The following PTBP3 variants were observed in gnomAD, a reference collection of about 807,000 sequenced individuals.
PTBP3 encodes the protein polypyrimidine tract binding protein 3, also known as polypyrimidine tract-binding protein 3.
Under a neutral mutation model 58.7 loss-of-function variants are expected in PTBP3, and 20 were observed. That is an observed-to-expected ratio of 0.34 (90% CI 0.24 to 0.50). The LOEUF (loss-of-function observed/expected upper bound fraction) is 0.50. Among genes scored for constraint, PTBP3 ranks in the 20% least tolerant of loss-of-function variants. The pLI is 0.98. For synonymous variants in PTBP3, 185 were observed against 219.8 expected (o/e 0.84, Z 1.40); for missense variants, 509 against 637.2 (o/e 0.80, Z 2.17).
At chr9:112,266,293 A>C (rs1026951972) in intron 4 of PTBP3, among the ~76,000 whole-genome samples, 1 of 152,356 alleles carries the variant, frequency 6.6e-6, no homozygotes, top group East Asian at 1.9e-4. Flanking sequence ...ACAATAAAAA[A>C]TGGGGAAAAT....
At chr9:112,339,384 T>C in the PTBP3 span, among the ~76,000 whole-genome samples, 9 of 151,662 alleles carry the variant, frequency 5.9e-5, no homozygotes, top group Non-Finnish European at 1.2e-4. Context: ...AGAATCATCA[T>C]TGCCCTTTAA....
intron 2 of PTBP3, among the ~76,000 whole-genome samples, chr9:112,287,484 G>T (rs1472554849): frequency 6.6e-5 from 10 of 151,666 alleles, no homozygotes; most frequent in Admixed American, 6.6e-4. Context: ...GAGATTACCG[G>T]TGCACACCAC....
intron 1 of PTBP3, among the ~76,000 whole-genome samples, chr9:112,309,849 G>C (rs1421116514): frequency 6.6e-6 from 1 of 152,050 alleles, no homozygotes; most frequent in Non-Finnish European, 1.5e-5. Flanking sequence ...ATAGTCAATA[G>C]GGGGTCTGCA....
chr9:112,267,719 C>T (rs1483203931), intron 4 of PTBP3, among the ~76,000 whole-genome samples: 1 of 140,912 alleles, frequency 7.1e-6, no homozygotes, highest in Non-Finnish European at 1.6e-5. Flanking sequence ...CTCAATTTCT[C>T]AATGCTTTTG....
chr9:112,376,909 C>T, the PTBP3 span, among the ~76,000 whole-genome samples: 2 of 152,204 alleles, frequency 1.3e-5, no homozygotes, highest in Admixed American at 1.3e-4. Context: ...AGTTGACACT[C>T]AGTATTAACC....
intron 1 of PTBP3, among the ~76,000 whole-genome samples, chr9:112,314,528 T>C (rs1829623414): frequency 6.6e-6 from 1 of 152,056 alleles, no homozygotes; most frequent in Non-Finnish European, 1.5e-5. Context: ...AGGACTCATC[T>C]CTACAAAAAT....
chr9:112,239,438 GA>G (rs879270949), intron 7 of PTBP3, among the ~76,000 whole-genome samples: 2 of 151,952 alleles, frequency 1.3e-5, no homozygotes, highest in African/African-American at 4.8e-5. Flanking sequence ...AATTACTATG[GA>G]AAAAAACAGG....
intron 1 of PTBP3, among the ~76,000 whole-genome samples, chr9:112,299,671 T>C (rs1173425395): frequency 1.3e-5 from 2 of 152,202 alleles, no homozygotes; most frequent in Non-Finnish European, 2.9e-5. Flanking sequence ...TCCCCATCCA[T>C]GGCCATGTGA....
chr9:112,239,185 A>C (rs1177900466), intron 7 of PTBP3, among the ~76,000 whole-genome samples: 2 of 152,232 alleles, frequency 1.3e-5, no homozygotes, highest in Non-Finnish European at 2.9e-5. Flanking sequence ...TGAAAGTTAA[A>C]AATCTAGATA....
At position 112,220,457 on chromosome 9, in the gene PTBP3, A is replaced by G; in HGVS notation, c.*3394T>C. ...CTTCTCATCAACTAAAACAGAACCC[A>G]TGATTATCATACTAGGTGGAGCCAA... On this transcript the variant is annotated 3_prime_UTR_variant, in exon 14 of 14. Coordinates refer to ENST00000374257, the MANE Select transcript of PTBP3 (RefSeq NM_001163788.4). The G allele has an allele frequency of 4.4e-6, 5 of 1,132,120 alleles. No homozygotes were observed. Among genetic ancestry groups the G allele is most frequent in the Non-Finnish European group, 4.4e-6 (4 of 912,304 alleles). 70.1% of individuals were successfully genotyped at this position (1,132,120 alleles called of 1,614,324 possible). A position where few individuals can be genotyped will look rare whatever the true frequency, so the allele number is the denominator to read the frequency against.
the PTBP3 span, among the ~76,000 whole-genome samples, chr9:112,341,982 A>C: frequency 6.6e-6 from 1 of 152,158 alleles, no homozygotes; most frequent in South Asian, 2.1e-4. Context: ...TGTTTCTGGA[A>C]GAGATTGGCA....
At chr9:112,364,022 A>T in the PTBP3 span, among the ~76,000 whole-genome samples, 31 of 152,222 alleles carry the variant, frequency 2.0e-4, no homozygotes, top group Non-Finnish European at 3.1e-4. Flanking sequence ...AACTACCGGC[A>T]AACACTGATC....
At position 112,227,582 on chromosome 9, in the gene PTBP3, C is replaced by T. The variant is rs189739914; in HGVS notation, c.1193G>A (p.Arg398His). 108 of 1,613,842 alleles carry T rather than the reference C, an allele frequency of 6.7e-5. 1 individual carries two copies. The East Asian group carries it at 2.1e-3, about 31-fold the overall frequency. ...SGQRLYGKVL[R>H]ATLSKHQAVQ... is the part of the protein sequence containing the mutation. Reference sequence around the variant, plus strand: ...TGCTTGATGTTTGGACAGTGTAGCACGAAGCACTTTCCCATAAAGTCTCTG... The same window carrying T: ...TGCTTGATGTTTGGACAGTGTAGCATGAAGCACTTTCCCATAAAGTCTCTG... The change falls in exon 12 of 14, where the codon CGT becomes CAT. Residue 398 changes from arginine (R) to histidine (H), a missense_variant. Arg to His is a conservative substitution (Grantham distance 29, BLOSUM62 0). Coordinates refer to ENST00000374257, the MANE Select transcript of PTBP3 (RefSeq NM_001163788.4).
Position 112,260,863 on chromosome 9 carries a change from G to C in PTBP3, c.516+1572C>G, listed in dbSNP as rs146357311. 2.0e-5 allele frequency among the ~76,000 whole-genome samples: 3 copies of C among 152,302 alleles called. No homozygotes were observed. In the East Asian group the frequency reaches 5.8e-4, roughly 29 times the overall value. Reference sequence around the variant, plus strand: ...CAGCACTTGCTACTGAGGACACTCAGAATTAGTCCTCTTCACCTGAAGGTC... The same window carrying C: ...CAGCACTTGCTACTGAGGACACTCACAATTAGTCCTCTTCACCTGAAGGTC... On this transcript the variant is annotated intron_variant, in intron 5 of 13. Coordinates refer to ENST00000374257, the MANE Select transcript of PTBP3 (RefSeq NM_001163788.4).
chr9:112,248,080 C>A (rs1193569958), intron 7 of PTBP3, among the ~76,000 whole-genome samples: 1 of 152,020 alleles, frequency 6.6e-6, no homozygotes, highest in African/African-American at 2.4e-5. Flanking sequence ...AATTTAATTG[C>A]AAAGTTTAAA....
chr9:112,318,071 A>C (rs1405139004), intron 1 of PTBP3, among the ~76,000 whole-genome samples: 2 of 152,224 alleles, frequency 1.3e-5, no homozygotes, highest in Non-Finnish European at 2.9e-5. Flanking sequence ...AAAGAACAAC[A>C]AACAAGAAAT....
In PTBP3 at chr9:112,222,127, T is replaced by C. The variant is rs1054352820; in HGVS notation, c.*1724A>G. On this transcript the variant is annotated 3_prime_UTR_variant, in exon 14 of 14. Transcript: ENST00000374257. ...AAGATATTCTTTATTCTTTTAAAAG[T>C]TGAGATGAGACACTTTGAGAATCTG... is the stretch of plus-strand genomic sequence containing the variant. 2.0e-6 allele frequency: 2 copies of C among 985,768 alleles called. No homozygotes were observed. Among genetic ancestry groups the C allele is most frequent in the Non-Finnish European group, 2.4e-6 (2 of 829,828 alleles). 61.1% of individuals were successfully genotyped at this position (985,768 alleles called of 1,614,324 possible). A position where few individuals can be genotyped will look rare whatever the true frequency, so the allele number is the denominator to read the frequency against.
chr9:112,376,156 G>GATATATAT, the PTBP3 span, among the ~76,000 whole-genome samples: 898 of 116,774 alleles, frequency 7.7e-3, 19 homozygotes, highest in African/African-American at 0.016. Context: ...TTCTCTAGAG[G>GATATATAT]ATATATATAT....
At chr9:112,226,911 A>G (rs577356514) in intron 12 of PTBP3, among the ~76,000 whole-genome samples, 1 of 152,364 alleles carries the variant, frequency 6.6e-6, no homozygotes, top group East Asian at 1.9e-4. Context: ...TAAAGCACAC[A>G]TACAACACTG....
Sources: allele counts gnomAD v4.1 joint callset (sites outside exome capture counted in the v4.1 genomes callset), GRCh38; gene constraint gnomAD v4.1.1; transcripts MANE v1.5; gene names NCBI Gene and HGNC (gene_info 2026-07-23, HGNC 2026-07-21).